The following AK9 variants were observed in gnomAD, a reference collection of about 807,000 sequenced individuals.
AK9 encodes the protein adenylate kinase domain containing 1.
In AK9, 191 loss-of-function variants were observed where a neutral mutation model predicts 239.6. That is an observed-to-expected ratio of 0.80 (90% CI 0.71 to 0.90). The LOEUF (loss-of-function observed/expected upper bound fraction) is 0.90, where lower values mean the gene tolerates loss of function less well. Among genes scored for constraint, AK9 ranks in the 40% least tolerant of loss-of-function variants. AK9 has a pLI of 0.00. For missense variants in AK9, 1,995 were observed against 2,214.7 expected, an observed-to-expected ratio of 0.90 and a Z score of 1.99; for synonymous variants, 689 against 721.0, an observed-to-expected ratio of 0.96 and a Z score of 0.71.
rs1037940371 is a variant in AK9 at position 109,674,073 on chromosome 6, T to C, written c.181+125A>G. 10 of 594,792 alleles carry C rather than the reference T, an allele frequency of 1.7e-5. No individual in the cohort carries two copies. The Admixed American group carries it at 2.5e-4, about 15-fold the overall frequency. 36.8% of individuals were successfully genotyped at this position (594,792 alleles called of 1,614,324 possible). A position where few individuals can be genotyped will look rare whatever the true frequency, so the allele number is the denominator to read the frequency against. ...GGACAAATGTGTGATAAAGCAAATA[T>C]AGCAAAACGTTAATCACAGACTCTA... On this transcript the variant is annotated intron_variant, in intron 3 of 40. Transcript: ENST00000424296.
At chr6:109,626,459 C>T (rs1795538447) in intron 12 of AK9, among the ~76,000 whole-genome samples, 1 of 152,054 alleles carries the variant, frequency 6.6e-6, no homozygotes, top group Admixed American at 6.6e-5. Context: ...TCAGTGTTGA[C>T]TTTTGTTCTA....
chr6:109,595,197 A>T (rs1481396900), intron 17 of AK9, among the ~76,000 whole-genome samples: 1 of 152,238 alleles, frequency 6.6e-6, no homozygotes, highest in African/African-American at 2.4e-5. Flanking sequence ...TGGGCAAAGG[A>T]TATGAACAGA....
Position 109,516,513 on chromosome 6 carries a change from G to T in AK9, c.3763C>A (p.Gln1255Lys). The T allele has an allele frequency of 6.4e-7, 1 of 1,551,700 alleles. No individual in the cohort carries two copies. Among genetic ancestry groups the T allele is most frequent in the Non-Finnish European group, 8.7e-7 (1 of 1,146,998 alleles). ...AGGCGCTCAATTGCATCAGTTTCCT[G>T]TTCTTCATCTTCCTCGCCACTCATC... is the stretch of plus-strand genomic sequence containing the variant. ...EEMSGEEDEE[Q>K]ETDAIERLRG... Residue 1255 changes from glutamine (Q) to lysine (K), a missense_variant, in exon 30 of 41, where the codon CAG (glutamine) becomes AAG (lysine). Around this residue, in one of 5 missense-constraint regions of AK9, gnomAD observed 1,290 missense variants for 1,392.7 expected, o/e 0.93. Coordinates refer to ENST00000424296, the MANE Select transcript of AK9 (RefSeq NM_001145128.3).
chr6:109,538,330 T>C (rs1484091681), intron 27 of AK9, among the ~76,000 whole-genome samples: 1 of 152,214 alleles, frequency 6.6e-6, no homozygotes, highest in Non-Finnish European at 1.5e-5. Context: ...TAGCTCTTCT[T>C]GTTGAATTGA....
At chr6:109,493,731 T>C (rs959087423) in intron 40 of AK9, among the ~76,000 whole-genome samples, 160 bp from the exon 41 acceptor site, 2 of 152,242 alleles carry the variant, frequency 1.3e-5, no homozygotes, top group African/African-American at 2.4e-5. Context: ...TAGGTCATAA[T>C]TGCCTCTATT....
intron 17 of AK9, among the ~76,000 whole-genome samples, chr6:109,598,873 G>T (rs9400305): frequency 0.58 from 88,611 of 152,006 alleles, 27,510 homozygotes; most frequent in East Asian, 0.84. Flanking sequence ...AAATGTCTTC[G>T]TTTGAGAAGT....
At chr6:109,536,256 A>G (rs1484669074) in intron 27 of AK9, among the ~76,000 whole-genome samples, 1 of 152,116 alleles carries the variant, frequency 6.6e-6, no homozygotes, top group East Asian at 1.9e-4. Context: ...ATGTTCTTCC[A>G]TTTGTTTGTG....
intron 24 of AK9, among the ~76,000 whole-genome samples, chr6:109,561,918 A>G (rs557181543): frequency 1.6e-4 from 24 of 152,192 alleles, no homozygotes; most frequent in African/African-American, 4.3e-4. Flanking sequence ...AATTCCCCTC[A>G]CACATACTTT....
chr6:109,538,890 C>T (rs534045827), intron 27 of AK9, among the ~76,000 whole-genome samples: 1 of 152,260 alleles, frequency 6.6e-6, no homozygotes, highest in South Asian at 2.1e-4. Context: ...ATATGAAATT[C>T]TGGGTTGAAA....
At chr6:109,513,170 A>G (rs1385663960) in intron 32 of AK9, among the ~76,000 whole-genome samples, 2 of 152,108 alleles carry the variant, frequency 1.3e-5, no homozygotes, top group Non-Finnish European at 2.9e-5. Context: ...TAGTATAGTA[A>G]ATTATATTTA....
intron 17 of AK9, among the ~76,000 whole-genome samples, chr6:109,606,931 C>G (rs1792959415): frequency 6.6e-6 from 1 of 152,166 alleles, no homozygotes; most frequent in Non-Finnish European, 1.5e-5. Flanking sequence ...TACTGTTAAA[C>G]TATAATTCTA....
intron 8 of AK9, among the ~76,000 whole-genome samples, chr6:109,652,092 A>T (rs967602738): frequency 6.6e-6 from 1 of 152,200 alleles, no homozygotes; most frequent in African/African-American, 2.4e-5. Context: ...CCTGTCAGAG[A>T]AACAACAAAA....
intron 1 of AK9, among the ~76,000 whole-genome samples, chr6:109,683,163 T>C (rs1297187183): frequency 1.3e-5 from 2 of 152,158 alleles, no homozygotes; most frequent in African/African-American, 2.4e-5. Flanking sequence ...ATTATCTCAA[T>C]AGATGCAGAA....
chr6:109,678,715 A>G (rs955483581), intron 1 of AK9, among the ~76,000 whole-genome samples: 1 of 152,182 alleles, frequency 6.6e-6, no homozygotes, highest in Non-Finnish European at 1.5e-5. Context: ...AGCGAGATCA[A>G]CACAGAAGGT....
chr6:109,653,872 T>C (rs922337332), intron 8 of AK9, among the ~76,000 whole-genome samples: 1 of 152,162 alleles, frequency 6.6e-6, no homozygotes, highest in Non-Finnish European at 1.5e-5. Context: ...ATATTAATAT[T>C]CTTCTAAGTT....
At chr6:109,645,006 G>A (rs1340927458) in intron 8 of AK9, among the ~76,000 whole-genome samples, 1 of 152,168 alleles carries the variant, frequency 6.6e-6, no homozygotes, top group African/African-American at 2.4e-5. Flanking sequence ...CTAAACCATG[G>A]AAGCATCTGA....
rs536640030 is a variant in AK9 at position 109,592,689 on chromosome 6, G to A, written c.1843-6617C>T. 3.3e-5 allele frequency among the ~76,000 whole-genome samples: 5 copies of A among 152,008 alleles called. No homozygotes were observed. The South Asian group carries it at 6.2e-4, about 19-fold the overall frequency. On this transcript the variant is annotated intron_variant, in intron 17 of 40. Transcript: ENST00000424296. The stretch of plus-strand genomic sequence containing the variant: ...TCTCGATCTCCTGACCTCATGATCC[G>A]CCCGCCTCGGCCTTCAAAAGTGCTG...
intron 16 of AK9, among the ~76,000 whole-genome samples, chr6:109,611,498 A>G (rs530107843): frequency 2.3e-4 from 35 of 152,244 alleles, no homozygotes; most frequent in Admixed American, 4.6e-4. Context: ...CTGAAAAACT[A>G]TATCTCTCAA....
At chr6:109,535,159 T>A (rs1483570558) in intron 27 of AK9, among the ~76,000 whole-genome samples, 1 of 152,212 alleles carries the variant, frequency 6.6e-6, no homozygotes, top group Non-Finnish European at 1.5e-5. Flanking sequence ...TTTCTAGTTC[T>A]AGATCCTTGA....
Sources: allele counts gnomAD v4.1 joint callset (sites outside exome capture counted in the v4.1 genomes callset), GRCh38; gene constraint gnomAD v4.1.1; regional missense constraint gnomAD v4.1.1; transcripts MANE v1.5; gene names NCBI Gene and HGNC (gene_info 2026-07-23, HGNC 2026-07-21).